FAT1: variants seen among roughly 807,000 people sequenced by gnomAD.
The protein encoded by FAT1 is FAT atypical cadherin 1, also known as protocadherin Fat 1.
Under a neutral mutation model 329.8 loss-of-function variants are expected in FAT1, and 171 were observed. The observed-to-expected ratio is 0.52, with a 90% CI of 0.46 to 0.59. The LOEUF is 0.59. FAT1 is among the 20% of genes least tolerant of loss of function. FAT1 has a pLI of 0.00. For missense variants in FAT1, 5,672 were observed against 5,774.4 expected (o/e 0.98, Z 0.57); for synonymous variants, 2,233 against 2,228.6 (o/e 1.00, Z -0.06).
In FAT1 at chr4:186,708,090, TG is replaced by T; in HGVS notation, c.1737del (p.Arg580GlufsTer3). ...FEKINCEGTIPRDLGVGEQIT... is the reference protein window; with the variant it reads ...FEKINCEGTIXRDLGVGEQIT... ...ATTTGCTCTCCCACGCCTAGATCTC[TG>T]GGAATTGTCCCTTCACAATTTATTT... On this transcript the variant is annotated frameshift_variant, in exon 2 of 27. Coordinates refer to ENST00000441802, the MANE Select transcript of FAT1 (RefSeq NM_005245.4). LOFTEE classifies it high-confidence loss of function. The T allele has an allele frequency of 6.2e-7, 1 of 1,613,980 alleles. No individual in the cohort carries two copies. Among genetic ancestry groups the T allele is most frequent in the African/African-American group, 1.3e-5 (1 of 75,054 alleles).
In FAT1 at chr4:186,646,786, T is replaced by C. The variant is rs186976815; in HGVS notation, c.3581-7003A>G. Among the ~76,000 whole-genome samples, 7 of 151,888 alleles carry C rather than the reference T, an allele frequency of 4.6e-5. No individual in the cohort carries two copies. In the East Asian group the frequency reaches 1.4e-3, roughly 29 times the overall value. ...TGACTGTGCTGATACTGCCCTGCCA[T>C]GCTCCTGCTCCCCGTTCTCTGCTAT... On this transcript the variant is annotated intron_variant, in intron 3 of 26. Transcript: ENST00000441802.
chr4:186,635,782 A>G (rs997326493), intron 6 of FAT1, among the ~76,000 whole-genome samples: 1 of 152,252 alleles, frequency 6.6e-6, no homozygotes, highest in Non-Finnish European at 1.5e-5. Context: ...ACAAACTTTT[A>G]CAAAATTTTA....
At chr4:186,714,861 C>T (rs866268315) in intron 1 of FAT1, among the ~76,000 whole-genome samples, 45 of 152,296 alleles carry the variant, frequency 3.0e-4, no homozygotes, top group Middle Eastern at 6.8e-3. Flanking sequence ...AGGCGGATCA[C>T]GAGGTCAAGA....
intron 26 of FAT1, among the ~76,000 whole-genome samples, chr4:186,594,676 G>GTATATA (rs60074549): frequency 0.014 from 1,757 of 128,304 alleles, 19 homozygotes; most frequent in Non-Finnish European, 0.016. Context: ...ATACTTGAAA[G>GTATATA]TATATATATA....
At position 186,620,765 on chromosome 4, in the gene FAT1, T is replaced by C. The variant is rs552586881; in HGVS notation, c.5821A>G (p.Thr1941Ala). ...YKTGALTVQNTTQLRSRYELT... is the reference protein window; with the variant it reads ...YKTGALTVQNATQLRSRYELT... ...TCGTAGCGGCTTCTTAACTGAGTTG[T>C]GTTTTGGACAGTGAGAGCACCAGTC... The change falls in exon 10 of 27, where the codon ACA becomes GCA. Residue 1941 changes from threonine to alanine, a missense_variant. By Grantham distance (58) the Thr-to-Ala change is moderately conservative (BLOSUM62 0). Around this residue, in one of 2 missense-constraint regions of FAT1, gnomAD observed 3,966 missense variants for 3,915.2 expected, o/e 1.01. Coordinates refer to ENST00000441802, the MANE Select transcript of FAT1 (RefSeq NM_005245.4). 31 of 1,614,048 alleles carry C rather than the reference T, an allele frequency of 1.9e-5. No homozygotes were observed. The East Asian group carries it at 6.9e-4, about 36-fold the overall frequency.
Position 186,621,719 on chromosome 4 carries a change from T to C in FAT1, c.4867A>G (p.Lys1623Glu). 1.2e-6 allele frequency: 2 copies of C among 1,612,676 alleles called. No homozygotes were observed. Among genetic ancestry groups the C allele is most frequent in the Non-Finnish European group, 1.7e-6 (2 of 1,179,418 alleles). ...DPVLGSIKTA[K>E]ELDRSNQAEY... The stretch of plus-strand genomic sequence containing the variant: ...GCTTGGTTACTTCGATCTAATTCTT[T>C]GGCAGTTTTAATAGAGCCCAAGACA... The change falls in exon 10 of 27, where the codon AAA (lysine) becomes GAA (glutamate). Residue 1623 changes from lysine to glutamate, a missense_variant. By Grantham distance (56) the Lys-to-Glu change is moderately conservative. This residue lies in a region of FAT1 where 3,966 missense variants were observed against 3,915.2 expected (regional missense o/e 1.01). Transcript: ENST00000441802.
chr4:186,674,254 C>G (rs768391147), intron 2 of FAT1, among the ~76,000 whole-genome samples: 5 of 152,140 alleles, frequency 3.3e-5, no homozygotes, highest in Non-Finnish European at 7.3e-5. Flanking sequence ...TTATTTACTC[C>G]GTAATAAAGT....
intron 3 of FAT1, among the ~76,000 whole-genome samples, chr4:186,645,354 G>A (rs2126583151): frequency 9.3e-6 from 1 of 107,206 alleles, no homozygotes; most frequent in Admixed American, 1.2e-4. Context: ...TGCTTTAATA[G>A]ATACTTCATT....
In FAT1 at chr4:186,635,398, A is replaced by G. The variant is rs150403047; in HGVS notation, c.4183+627T>C. On this transcript the variant is annotated intron_variant, in intron 6 of 26. Transcript: ENST00000441802. ...ACATTCAATGTCTTATCTAAACTAC[A>G]TGACAAATAAGAAGAAGAAATGGCT... 5.8e-3 allele frequency among the ~76,000 whole-genome samples: 890 copies of G among 152,366 alleles called. 5 individuals are homozygous for G. Among genetic ancestry groups the G allele is most frequent in the African/African-American group, 0.019 (811 of 41,590 alleles).
At chr4:186,633,905 C>A in intron 6 of FAT1, 82 bp from the exon 7 acceptor site, 2 of 1,493,724 alleles carry the variant, frequency 1.3e-6, no homozygotes, top group East Asian at 4.5e-5. Flanking sequence ...TACTTAATGG[C>A]ACTGAAAAAT....
intron 4 of FAT1, among the ~76,000 whole-genome samples, chr4:186,637,783 C>T (rs1740899936): frequency 6.6e-6 from 1 of 152,146 alleles, no homozygotes; most frequent in South Asian, 2.1e-4. Context: ...TACCAAAACA[C>T]TAAAAACGGT....
At chr4:186,662,480 A>C (rs1231208098) in intron 3 of FAT1, among the ~76,000 whole-genome samples, 1 of 152,186 alleles carries the variant, frequency 6.6e-6, no homozygotes, top group Non-Finnish European at 1.5e-5. Context: ...TATTAGAAGC[A>C]AAAGGCCTGG....
At chr4:186,594,267 C>T (rs981214016) in intron 26 of FAT1, among the ~76,000 whole-genome samples, 2 of 151,636 alleles carry the variant, frequency 1.3e-5, no homozygotes, top group Admixed American at 6.6e-5. Context: ...CGGGGTTTCA[C>T]TGCCAGGACG....
rs1740444827 is a variant in FAT1 at position 186,628,693 on chromosome 4, A to G, written c.4394T>C (p.Ile1465Thr). Residue 1465 changes from isoleucine to threonine, a missense_variant, in exon 8 of 27, where the codon ATT becomes ACT. Transcript: ENST00000441802. ...QFSTSKYEVV[I>T]PEDTAPETEI... is the part of the protein sequence containing the mutation. The stretch of plus-strand genomic sequence containing the variant: ...TGTTTCTGGCGCTGTATCTTCAGGA[A>G]TAACAACTTCATACTTTGATGTAGA... The G allele has an allele frequency of 6.2e-7, 1 of 1,613,894 alleles. No homozygotes were observed. Among genetic ancestry groups the G allele is most frequent in the Non-Finnish European group, 8.5e-7 (1 of 1,179,902 alleles).
intron 21 of FAT1, among the ~76,000 whole-genome samples, chr4:186,600,569 A>AG (rs2126416346): frequency 6.6e-6 from 1 of 152,352 alleles, no homozygotes; most frequent in African/African-American, 2.4e-5. Flanking sequence ...ACATCCACAA[A>AG]GCATCATGGA....
At chr4:186,713,862 T>G (rs911348005) in intron 1 of FAT1, among the ~76,000 whole-genome samples, 2 of 152,146 alleles carry the variant, frequency 1.3e-5, no homozygotes, top group Non-Finnish European at 2.9e-5. Flanking sequence ...CATGTTTGTA[T>G]TTTTTATAGA....
At position 186,636,049 on chromosome 4, in the gene FAT1, T is replaced by C. The variant is rs1377335800; in HGVS notation, c.4159A>G (p.Ile1387Val). ...IGVISVEPPG[I>V]PLWFDITGGN... ...CCAGTGATGTCAAACCAAAGGGGTATGCCAGGAGGCTCCACAGATATTACT... is the reference window on the plus strand; with the variant it reads ...CCAGTGATGTCAAACCAAAGGGGTACGCCAGGAGGCTCCACAGATATTACT... The change falls in exon 6 of 27, where the codon ATA (isoleucine) becomes GTA (valine). Residue 1387 changes from isoleucine to valine, a missense_variant. By Grantham distance (29) the Ile-to-Val change is conservative. Coordinates refer to ENST00000441802, the MANE Select transcript of FAT1 (RefSeq NM_005245.4). The C allele has an allele frequency of 2.5e-6, 4 of 1,613,986 alleles. No individual in the cohort carries two copies. Among genetic ancestry groups the C allele is most frequent in the South Asian group, 1.1e-5 (1 of 91,082 alleles).
At chr4:186,597,399 C>T in intron 24 of FAT1, 2 of 587,566 alleles carry the variant, frequency 3.4e-6, no homozygotes, top group Non-Finnish European at 2.9e-6. Context: ...GGGAAGGAAA[C>T]ATATCAAGCC....
At chr4:186,650,867 G>C (rs971343361) in intron 3 of FAT1, among the ~76,000 whole-genome samples, 3 of 152,064 alleles carry the variant, frequency 2.0e-5, no homozygotes, top group African/African-American at 7.2e-5. Context: ...AAGAGAGCTT[G>C]CTCTGAGTTA....
Sources: gnomAD v4.1 joint callset for allele counts (sites outside exome capture counted in the v4.1 genomes callset) on GRCh38, gnomAD v4.1.1 for gene constraint, gnomAD v4.1.1 regional missense constraint, MANE v1.5 for transcripts, NCBI Gene and HGNC (gene_info 2026-07-23, HGNC 2026-07-21) for gene names.